DPYD: variants seen among roughly 807,000 people sequenced by gnomAD.
DPYD encodes dihydropyrimidine dehydrogenase [NADP(+)].
DPYD carries 109 observed loss-of-function variants against 116.2 expected under a neutral mutation model. That is an observed-to-expected ratio of 0.94 (90% CI 0.80 to 1.10). The LOEUF (loss-of-function observed/expected upper bound fraction) is 1.10, where lower values mean the gene tolerates loss of function less well. Ranked by LOEUF, DPYD falls within the 50% of genes least tolerant of loss-of-function variation. The pLI, the probability that DPYD is intolerant of heterozygous loss-of-function variation, is 0.00. For synonymous variants in DPYD, 440 were observed against 432.0 expected (o/e 1.02, Z -0.23); for missense variants, 1,302 against 1,254.5 (o/e 1.04, Z -0.57).
intron 7 of DPYD, chr1:97,691,442 A>G: frequency 3.0e-6 from 1 of 333,208 alleles, no homozygotes; most frequent in South Asian, 3.9e-5. Flanking sequence ...AGCTGCACTG[A>G]ACCCCTAAAG....
chr1:97,367,686 T>G (rs540480142), intron 16 of DPYD, among the ~76,000 whole-genome samples: 1 of 152,276 alleles, frequency 6.6e-6, no homozygotes, highest in Non-Finnish European at 1.5e-5. Flanking sequence ...ATACTATCAT[T>G]TTTGAACTTT....
chr1:97,338,659 G>T (rs369038515), intron 16 of DPYD, among the ~76,000 whole-genome samples: 1 of 152,122 alleles, frequency 6.6e-6, no homozygotes, highest in Non-Finnish European at 1.5e-5. Context: ...GTCCCCCTTG[G>T]ACCTAGAGAG....
At chr1:97,604,652 G>T (rs1022637749) in intron 8 of DPYD, among the ~76,000 whole-genome samples, 1 of 151,904 alleles carries the variant, frequency 6.6e-6, no homozygotes, top group African/African-American at 2.4e-5. Context: ...AATATACTTG[G>T]AATATATTTA....
chr1:97,132,670 T>C (rs1653428626), intron 20 of DPYD, among the ~76,000 whole-genome samples: 1 of 152,118 alleles, frequency 6.6e-6, no homozygotes, highest in Non-Finnish European at 1.5e-5. Flanking sequence ...GAAAAATGAC[T>C]TGCATATGTT....
intron 12 of DPYD, among the ~76,000 whole-genome samples, chr1:97,541,348 T>C (rs2102056843): frequency 6.6e-6 from 1 of 152,338 alleles, no homozygotes. Flanking sequence ...AAAAATGAGT[T>C]ACTTAAAAAA....
chr1:97,415,825 T>C (rs1025940926), intron 14 of DPYD, among the ~76,000 whole-genome samples: 5 of 150,076 alleles, frequency 3.3e-5, no homozygotes, highest in African/African-American at 1.2e-4. Flanking sequence ...TTGTACAGGG[T>C]ATGGCTTTTA....
intron 6 of DPYD, among the ~76,000 whole-genome samples, chr1:97,696,265 C>T (rs1005091360): frequency 5.9e-5 from 9 of 151,528 alleles, no homozygotes; most frequent in Non-Finnish European, 8.8e-5. Flanking sequence ...CCAGATAATC[C>T]CCATTTTGGT....
chr1:97,735,287 T>G (rs868843902), intron 4 of DPYD, among the ~76,000 whole-genome samples: 93 of 152,046 alleles, frequency 6.1e-4, no homozygotes, highest in African/African-American at 1.7e-3. Context: ...AAGCACTCAG[T>G]GGAGGCAACA....
In DPYD at chr1:97,774,984, A is replaced by C. The variant is rs114907527; in HGVS notation, c.234-34505T>G. On this transcript the variant is annotated intron_variant, in intron 3 of 22. Coordinates refer to ENST00000370192, the MANE Select transcript of DPYD (RefSeq NM_000110.4). ...CTGCATGCCAAACTGGAGTAGGGACAAAAAAAAGAAAGAAGCTCTATGAAT... is the reference window on the plus strand; with the variant it reads ...CTGCATGCCAAACTGGAGTAGGGACCAAAAAAAGAAAGAAGCTCTATGAAT... 530 of 311,066 alleles carry C rather than the reference A, an allele frequency of 1.7e-3. 2 individuals carry two copies. Among genetic ancestry groups the C allele is most frequent in the African/African-American group, 0.011 (490 of 45,422 alleles). The allele number at this position is 311,066 out of a possible 1,614,324, so 19.3% of individuals were successfully genotyped here.
intron 2 of DPYD, among the ~76,000 whole-genome samples, chr1:97,852,134 A>C (rs1670601589): frequency 6.6e-6 from 1 of 152,104 alleles, no homozygotes. Flanking sequence ...AAGGACCAGC[A>C]CTAGGAAATT....
chr1:97,512,089 G>T (rs79192556), intron 13 of DPYD, among the ~76,000 whole-genome samples: 2 of 151,766 alleles, frequency 1.3e-5, no homozygotes, highest in African/African-American at 2.4e-5. Context: ...AAATAAACTC[G>T]ATATGCTCTT....
intron 12 of DPYD, among the ~76,000 whole-genome samples, chr1:97,545,345 T>C (rs1412991476): frequency 6.6e-6 from 1 of 152,166 alleles, no homozygotes; most frequent in South Asian, 2.1e-4. Context: ...ATATTGTTAT[T>C]CTGTAAAAGA....
chr1:97,491,289 G>A (rs1678962177), intron 13 of DPYD, among the ~76,000 whole-genome samples: 2 of 150,392 alleles, frequency 1.3e-5, no homozygotes, highest in Non-Finnish European at 3.0e-5. Flanking sequence ...GCATAGATTT[G>A]TTGCAGAGGT....
intron 16 of DPYD, among the ~76,000 whole-genome samples, chr1:97,360,314 A>G (rs1053123218): frequency 6.6e-6 from 1 of 152,206 alleles, no homozygotes; most frequent in African/African-American, 2.4e-5. Context: ...TTAGAGACCT[A>G]CAAAGAAACT....
chr1:97,192,902 A>G (rs1362570911), intron 20 of DPYD, among the ~76,000 whole-genome samples, 167 bp downstream of exon 20: 1 of 152,192 alleles, frequency 6.6e-6, no homozygotes, highest in African/African-American at 2.4e-5. Flanking sequence ...TCACAGACCC[A>G]TCATATGGCT....
intron 3 of DPYD, among the ~76,000 whole-genome samples, chr1:97,788,077 C>T (rs1198397061): frequency 6.6e-6 from 1 of 152,116 alleles, no homozygotes; most frequent in South Asian, 2.1e-4. Context: ...TGATATTTAT[C>T]CCATGAAGAT....
chr1:97,907,460 A>T (rs1202106996), intron 1 of DPYD, among the ~76,000 whole-genome samples: 1 of 152,104 alleles, frequency 6.6e-6, no homozygotes, highest in Non-Finnish European at 1.5e-5. Context: ...AAGGATCACG[A>T]TCTCGATTTT....
chr1:97,607,329 C>A (rs1211032958), intron 8 of DPYD, among the ~76,000 whole-genome samples: 2 of 151,688 alleles, frequency 1.3e-5, no homozygotes, highest in Admixed American at 1.3e-4. Flanking sequence ...ATGTCTTGCT[C>A]CATTCTAATT....
chr1:97,759,964 C>T (rs1665481353), intron 3 of DPYD, among the ~76,000 whole-genome samples: 1 of 152,028 alleles, frequency 6.6e-6, no homozygotes, highest in South Asian at 2.1e-4. Flanking sequence ...TCTAAAAACA[C>T]GCAGAAAGGA....
Sources: gnomAD v4.1 joint callset for allele counts (sites outside exome capture counted in the v4.1 genomes callset) on GRCh38, gnomAD v4.1.1 for gene constraint, MANE v1.5 for transcripts, NCBI Gene and HGNC (gene_info 2026-07-23, HGNC 2026-07-21) for gene names.